ECD: variants seen among roughly 807,000 people sequenced by gnomAD.
ECD encodes the protein ecdysoneless cell cycle regulator.
A neutral mutation model predicts 77.2 loss-of-function variants in ECD; 59 were observed. The observed-to-expected ratio is 0.76, with a 90% CI of 0.62 to 0.95. The LOEUF (loss-of-function observed/expected upper bound fraction) is 0.95. Among genes scored for constraint, ECD ranks in the 40% least tolerant of loss-of-function variants. ECD has a pLI of 0.00. For synonymous variants in ECD, 233 were observed against 267.4 expected (o/e 0.87, Z 1.26); for missense variants, 704 against 763.4 (o/e 0.92, Z 0.92).
In ECD at chr10:73,156,355, TG is replaced by T; in HGVS notation, c.509del (p.Ala170AspfsTer2). Reference sequence around the variant, plus strand: ...CTGAATGTGCTGTGATTATATTCAATGCTTGTGGAATTGTTGGGGGTGTGGT... The same window carrying T: ...CTGAATGTGCTGTGATTATATTCAATCTTGTGGAATTGTTGGGGGTGTGGT... ...LPTTPPTIPQ[A>X]LNIITAHSEK... On this transcript the variant is annotated frameshift_variant, in exon 5 of 14. Coordinates refer to ENST00000372979, the MANE Select transcript of ECD (RefSeq NM_007265.3). LOFTEE classifies it high-confidence loss of function. 6.2e-7 allele frequency: 1 copy of T among 1,614,016 alleles called. No individual in the cohort carries two copies. Among genetic ancestry groups the T allele is most frequent in the Non-Finnish European group, 8.5e-7 (1 of 1,179,970 alleles).
At chr10:73,152,485 A>G in intron 6 of ECD, 64 bp from the exon 7 acceptor site, 1 of 1,544,312 alleles carries the variant, frequency 6.5e-7, no homozygotes, top group Non-Finnish European at 8.9e-7. Context: ...ATAACACTTC[A>G]CAGTTAAATA....
rs1842980145 is a variant in ECD, at chr10:73,136,902, C to A, written c.1506G>T (p.Glu502Asp). The stretch of plus-strand genomic sequence containing the variant: ...CATCATCCAGATCATCAGAATCTGA[C>A]TCATTAGGCCTTGGCCCTACACAGA... ...FDKILGPRPN[E>D]SDSDDLDDED... Residue 502 changes from glutamate to aspartate, a missense_variant, in exon 13 of 14, where the codon GAG becomes GAT. By Grantham distance (45) the Glu-to-Asp change is conservative. Transcript: ENST00000372979. 1 of 1,613,266 alleles carries A rather than the reference C, an allele frequency of 6.2e-7. No individual in the cohort carries two copies. The highest frequency in any genetic ancestry group is 1.3e-5 in the African/African-American group (1 of 74,872).
intron 1 of ECD, among the ~76,000 whole-genome samples, chr10:73,165,630 T>A (rs1158676848): frequency 1.3e-5 from 2 of 151,688 alleles, no homozygotes; most frequent in Non-Finnish European, 2.9e-5. Context: ...TTTTTTTTTT[T>A]AATTTTTAAG....
chr10:73,136,498 A>G (rs1296546372), intron 13 of ECD, among the ~76,000 whole-genome samples: 1 of 152,204 alleles, frequency 6.6e-6, no homozygotes, highest in Non-Finnish European at 1.5e-5. Flanking sequence ...ATCCTGATAG[A>G]TAACGTAGAA....
chr10:73,152,987 A>C (rs182733436), intron 6 of ECD, among the ~76,000 whole-genome samples: 8 of 152,026 alleles, frequency 5.3e-5, no homozygotes, highest in Admixed American at 4.6e-4. Context: ...TACATTATAC[A>C]GCAATTAAAT....
intron 13 of ECD, 99 bp from the exon 14 acceptor site, chr10:73,134,912 T>A: frequency 9.5e-7 from 1 of 1,050,106 alleles, no homozygotes; most frequent in Non-Finnish European, 1.4e-6. Context: ...TAAATTTGCA[T>A]TCCAAATTAA....
intron 9 of ECD, among the ~76,000 whole-genome samples, chr10:73,145,920 GGC>G (rs1843121726): frequency 1.3e-5 from 2 of 151,986 alleles, no homozygotes; most frequent in Non-Finnish European, 2.9e-5. Context: ...TGGGATTACA[GGC>G]GTGAGCCACC....
intron 12 of ECD, 97 bp from the exon 13 acceptor site, chr10:73,137,015 G>A: frequency 1.6e-6 from 1 of 633,254 alleles, no homozygotes; most frequent in African/African-American, 1.9e-5. Context: ...AAAATAATTA[G>A]AATGTTACCC....
At position 73,139,361 on chromosome 10, in the gene ECD, T is replaced by G. The variant is rs759024075; in HGVS notation, c.1369A>C (p.Met457Leu). 1 of 1,614,148 alleles carries G rather than the reference T, an allele frequency of 6.2e-7. No individual in the cohort carries two copies. The highest frequency in any genetic ancestry group is 8.5e-7 in the Non-Finnish European group (1 of 1,180,016). The part of the protein sequence containing the change: ...NYDLTEVSES[M>L]KAFISKVSTH... ...GAGACTTTGGATATGAAAGCTTTCA[T>G]GCTCTCTGAGACTTCAGTTAAGTCA... Residue 457 changes from methionine (M) to leucine (L), a missense_variant, in exon 11 of 14, where the codon ATG becomes CTG. By Grantham distance (15) the Met-to-Leu change is conservative. Around this residue, in one of 3 missense-constraint regions of ECD, gnomAD observed 559 missense variants for 583.7 expected, o/e 0.96. Transcript: ENST00000372979.
Position 73,152,310 on chromosome 10 carries a change from C to A in ECD, c.895G>T (p.Glu299Ter). 6.2e-7 allele frequency: 1 copy of A among 1,613,324 alleles called. No homozygotes were observed. The highest frequency in any genetic ancestry group is 1.1e-5 in the South Asian group (1 of 91,026). ...PPSDPQYRAH[E>*]LGMKLAHGFE... ...AACATTACCAATTTCATGCCCAATTCATGGGCTCGGTACTGGGGATCAGAT... is the reference window on the plus strand; with the variant it reads ...AACATTACCAATTTCATGCCCAATTAATGGGCTCGGTACTGGGGATCAGAT... Residue 299 changes from glutamate to a stop codon, truncating the protein, a stop_gained, in exon 7 of 14, where the codon GAA (glutamate) becomes TAA (stop). Transcript: ENST00000372979. LOFTEE classifies it high-confidence loss of function.
intron 7 of ECD, among the ~76,000 whole-genome samples, chr10:73,151,337 C>G (rs7905588): frequency 2.2e-5 from 3 of 137,540 alleles, no homozygotes; most frequent in Non-Finnish European, 4.6e-5. Context: ...TGAGAACACA[C>G]GGACACAGGA....
chr10:73,165,526 A>AT (rs1843444907), intron 1 of ECD, among the ~76,000 whole-genome samples: 1 of 150,578 alleles, frequency 6.6e-6, no homozygotes, highest in Non-Finnish European at 1.5e-5. Flanking sequence ...TAATTTTTGT[A>AT]TTTTTAGTAG....
chr10:73,160,754 T>C (rs915643701), intron 2 of ECD, among the ~76,000 whole-genome samples: 1 of 152,116 alleles, frequency 6.6e-6, no homozygotes, highest in Admixed American at 6.6e-5. Context: ...AACAAGATAA[T>C]GAACTCTAGA....
intron 2 of ECD, among the ~76,000 whole-genome samples, chr10:73,163,247 T>C (rs1044762736): frequency 1.3e-5 from 2 of 152,204 alleles, no homozygotes; most frequent in Non-Finnish European, 2.9e-5. Flanking sequence ...AAAATGCTTG[T>C]AAGTGGCAAA....
intron 2 of ECD, among the ~76,000 whole-genome samples, chr10:73,160,901 G>C (rs1385757893): frequency 6.6e-6 from 1 of 152,208 alleles, no homozygotes; most frequent in African/African-American, 2.4e-5. Context: ...ATGATGTATA[G>C]AGTATGTATG....
At chr10:73,144,556 G>C (rs1411005602) in intron 9 of ECD, among the ~76,000 whole-genome samples, 1 of 152,134 alleles carries the variant, frequency 6.6e-6, no homozygotes, top group Non-Finnish European at 1.5e-5. Flanking sequence ...AGAGAGCGGG[G>C]GGAAAAGAGG....
In ECD at chr10:73,139,733, G is replaced by C; in HGVS notation, c.1132C>G (p.Leu378Val). 1 of 1,583,908 alleles carries C rather than the reference G, an allele frequency of 6.3e-7. No homozygotes were observed. The highest frequency in any genetic ancestry group is 2.2e-5 in the East Asian group (1 of 44,666). The stretch of plus-strand genomic sequence containing the variant: ...ATTTCTTCACCAGGGCTCATAGCAA[G>C]AGAACTATGAAAAATAAAAAACATG... ...QLSVDWPESSLAMSPGEEILT... is the reference protein window; with the variant it reads ...QLSVDWPESSVAMSPGEEILT... Residue 378 changes from leucine to valine, a missense_variant, in exon 10 of 14, where the codon CTT (leucine) becomes GTT (valine). Leu to Val is a conservative substitution (Grantham distance 32). Around this residue, in one of 3 missense-constraint regions of ECD, gnomAD observed 559 missense variants for 583.7 expected, o/e 0.96. Transcript: ENST00000372979.
At chr10:73,164,488 AT>A (rs1426042408) in intron 1 of ECD, among the ~76,000 whole-genome samples, 16 of 152,092 alleles carry the variant, frequency 1.1e-4, no homozygotes. Context: ...TTTATTTGAG[AT>A]GGAGTTTCAC....
At chr10:73,144,734 C>G (rs1354005610) in intron 9 of ECD, among the ~76,000 whole-genome samples, 1 of 152,028 alleles carries the variant, frequency 6.6e-6, no homozygotes, top group Admixed American at 6.6e-5. Flanking sequence ...GATCCAAGAC[C>G]CCTCTCTTGG....
Sources: allele counts gnomAD v4.1 joint callset (sites outside exome capture counted in the v4.1 genomes callset), GRCh38; gene constraint gnomAD v4.1.1; regional missense constraint gnomAD v4.1.1; transcripts MANE v1.5; gene names NCBI Gene and HGNC (gene_info 2026-07-23, HGNC 2026-07-21).